Variants in CLSTN2 observed in about 807,000 individuals in gnomAD.
CLSTN2 encodes calsyntenin-2.
A neutral mutation model predicts 101.2 loss-of-function variants in CLSTN2; 48 were observed. The ratio of observed to expected loss-of-function variants is 0.47; its 90% CI spans 0.38 to 0.60. CLSTN2 has a LOEUF of 0.60. Among genes scored for constraint, CLSTN2 ranks in the 20% least tolerant of loss-of-function variants. CLSTN2 has a pLI of 0.00. For missense variants in CLSTN2, 1,160 were observed against 1,238.2 expected, an observed-to-expected ratio of 0.94 and a Z score of 0.95; for synonymous variants, 481 against 463.6, an observed-to-expected ratio of 1.04 and a Z score of -0.48.
chr3:140,529,076 T>G (rs1268988801), intron 8 of CLSTN2, among the ~76,000 whole-genome samples: 1 of 152,178 alleles, frequency 6.6e-6, no homozygotes, highest in South Asian at 2.1e-4. Flanking sequence ...TATATAACAC[T>G]TGGATCAACC....
intron 1 of CLSTN2, among the ~76,000 whole-genome samples, chr3:140,011,639 C>G (rs2007075415): frequency 6.6e-6 from 1 of 152,180 alleles, no homozygotes. Flanking sequence ...CTGGCCTCAT[C>G]CTTCTCACAA....
At chr3:139,996,184 C>G (rs1018827219) in intron 1 of CLSTN2, among the ~76,000 whole-genome samples, 1 of 152,022 alleles carries the variant, frequency 6.6e-6, no homozygotes, top group African/African-American at 2.4e-5. Context: ...TTTACTTGTG[C>G]TGAACATTAT....
chr3:140,404,412 T>A, intron 3 of CLSTN2, 146 bp from the exon 4 acceptor site: 1 of 686,228 alleles, frequency 1.5e-6, no homozygotes. Flanking sequence ...AGAGGGAGGA[T>A]GGGACACTCA....
chr3:140,353,366 C>T (rs1364283798), intron 2 of CLSTN2, among the ~76,000 whole-genome samples: 1 of 151,954 alleles, frequency 6.6e-6, no homozygotes, highest in African/African-American at 2.4e-5. Flanking sequence ...ACTGAAGAAA[C>T]TGGAGTCCGA....
At chr3:140,376,877 GCCATGTCCC>G (rs2107961540) in intron 2 of CLSTN2, among the ~76,000 whole-genome samples, 1 of 152,300 alleles carries the variant, frequency 6.6e-6, no homozygotes, top group East Asian at 1.9e-4. Context: ...GTGAGCAAGA[GCCATGTCCC>G]TGCCCTCTGA....
chr3:139,962,216 A>G (rs1935522907), intron 1 of CLSTN2, among the ~76,000 whole-genome samples: 1 of 152,186 alleles, frequency 6.6e-6, no homozygotes, highest in Non-Finnish European at 1.5e-5. Context: ...AGAGGGATCC[A>G]TCAATTTGTA....
chr3:140,537,211 G>A (rs990885064), intron 9 of CLSTN2, among the ~76,000 whole-genome samples: 7 of 152,304 alleles, frequency 4.6e-5, no homozygotes, highest in Non-Finnish European at 8.8e-5. Flanking sequence ...CTTTAACAAT[G>A]GAAGTAGAAA....
At chr3:140,276,800 A>T (rs1487266527) in intron 2 of CLSTN2, among the ~76,000 whole-genome samples, 3 of 152,230 alleles carry the variant, frequency 2.0e-5, no homozygotes, top group Non-Finnish European at 4.4e-5. Flanking sequence ...GGATGGGGGA[A>T]GTCAAAGTAT....
chr3:140,137,735 C>CAAA, intron 1 of CLSTN2, among the ~76,000 whole-genome samples: 1 of 152,306 alleles, frequency 6.6e-6, no homozygotes, highest in South Asian at 2.1e-4. Context: ...TCAGCCTTTC[C>CAAA]TCACTTAATT....
At chr3:140,473,265 T>C (rs1933896864) in intron 8 of CLSTN2, among the ~76,000 whole-genome samples, 1 of 152,176 alleles carries the variant, frequency 6.6e-6, no homozygotes, top group Admixed American at 6.5e-5. Context: ...TCCTCATTAC[T>C]CTCATGCCAT....
chr3:139,980,427 A>G (rs1935894268), intron 1 of CLSTN2, among the ~76,000 whole-genome samples: 1 of 152,058 alleles, frequency 6.6e-6, no homozygotes, highest in African/African-American at 2.4e-5. Context: ...GGCTCATCAG[A>G]AAGTCCATCT....
At chr3:140,204,221 G>A (rs1334702540) in intron 2 of CLSTN2, among the ~76,000 whole-genome samples, 1 of 152,196 alleles carries the variant, frequency 6.6e-6, no homozygotes, top group South Asian at 2.1e-4. Context: ...GTTCATAAGT[G>A]GTAGTTGTTT....
At chr3:140,374,115 A>C (rs182028399) in intron 2 of CLSTN2, among the ~76,000 whole-genome samples, 2 of 152,200 alleles carry the variant, frequency 1.3e-5, no homozygotes, top group African/African-American at 4.8e-5. Context: ...CTACACTTTC[A>C]ATGGCTGCCC....
chr3:140,086,822 GCTGTCT>G (rs1352648268), intron 1 of CLSTN2, among the ~76,000 whole-genome samples: 1 of 152,168 alleles, frequency 6.6e-6, no homozygotes, highest in Non-Finnish European at 1.5e-5. Context: ...CTGTTTCACA[GCTGTCT>G]TTGACAGATC....
intron 5 of CLSTN2, among the ~76,000 whole-genome samples, chr3:140,424,596 G>A (rs1446367839): frequency 6.6e-6 from 1 of 152,222 alleles, no homozygotes; most frequent in Non-Finnish European, 1.5e-5. Context: ...TCTCCCAGCT[G>A]TGTAGAGCAA....
chr3:140,563,243 G>A (rs571010064), intron 15 of CLSTN2, 40 bp downstream of exon 15: 4 of 1,597,990 alleles, frequency 2.5e-6, no homozygotes, highest in East Asian at 4.5e-5. Context: ...GACACAGGTC[G>A]TCATTGTGAC....
At chr3:140,373,322 A>G (rs989036325) in intron 2 of CLSTN2, among the ~76,000 whole-genome samples, 1 of 152,338 alleles carries the variant, frequency 6.6e-6, no homozygotes, top group East Asian at 1.9e-4. Context: ...AGAAGCTGAG[A>G]TCAGCCATTA....
At chr3:140,044,978 G>C (rs1212729694) in intron 1 of CLSTN2, among the ~76,000 whole-genome samples, 1 of 152,142 alleles carries the variant, frequency 6.6e-6, no homozygotes, top group Non-Finnish European at 1.5e-5. Flanking sequence ...CAGGGATATT[G>C]GTCTAAAATT....
intron 1 of CLSTN2, among the ~76,000 whole-genome samples, chr3:140,136,978 A>G (rs1017972234): frequency 3.3e-5 from 5 of 152,224 alleles, no homozygotes; most frequent in Admixed American, 2.0e-4. Flanking sequence ...TTGATACTGT[A>G]TGGTTATTTT....
Sources: gnomAD v4.1 joint callset for allele counts (sites outside exome capture counted in the v4.1 genomes callset) on GRCh38, gnomAD v4.1.1 for gene constraint, MANE v1.5 for transcripts, NCBI Gene and HGNC (gene_info 2026-07-23, HGNC 2026-07-21) for gene names.